LDAH: variants seen among roughly 807,000 people sequenced by gnomAD.
LDAH encodes lipid droplet-associated hydrolase.
LDAH carries 26 observed loss-of-function variants against 29.6 expected under a neutral mutation model. The observed-to-expected ratio is 0.88, with a 90% CI of 0.64 to 1.22. The LOEUF is 1.22. Ranked by LOEUF, LDAH falls within the 50% of genes most tolerant of loss-of-function variation. The pLI is 0.00. For synonymous variants in LDAH, 117 were observed against 133.0 expected (o/e 0.88, Z 0.83); for missense variants, 344 against 387.3 (o/e 0.89, Z 0.94).
intron 4 of LDAH, among the ~76,000 whole-genome samples, chr2:20,763,965 AT>A (rs11337098): frequency 0.27 from 39,527 of 148,926 alleles, 5,479 homozygotes; most frequent in African/African-American, 0.37. Flanking sequence ...CCCAAAGGTG[AT>A]TTTTTTTTTT....
intron 3 of LDAH, among the ~76,000 whole-genome samples, chr2:20,781,773 G>A (rs892422632): frequency 1.3e-5 from 2 of 152,104 alleles, no homozygotes; most frequent in East Asian, 1.9e-4. Flanking sequence ...TTGTCAATAA[G>A]TCCTTGATGA....
chr2:20,745,454 T>C (rs1428868551), intron 4 of LDAH, among the ~76,000 whole-genome samples: 1 of 152,200 alleles, frequency 6.6e-6, no homozygotes, highest in Non-Finnish European at 1.5e-5. Flanking sequence ...TGCATTTTTT[T>C]TGAAGAAATG....
At chr2:20,734,629 A>T (rs1442689210) in intron 5 of LDAH, among the ~76,000 whole-genome samples, 1 of 152,206 alleles carries the variant, frequency 6.6e-6, no homozygotes, top group Non-Finnish European at 1.5e-5. Context: ...GTTTAGAACC[A>T]TAAGAGACAG....
At chr2:20,815,412 T>A (rs1457398021) in intron 1 of LDAH, among the ~76,000 whole-genome samples, 1 of 151,258 alleles carries the variant, frequency 6.6e-6, no homozygotes, top group Non-Finnish European at 1.5e-5. Flanking sequence ...ACAAAAGACA[T>A]AAATCTACAG....
intron 5 of LDAH, among the ~76,000 whole-genome samples, chr2:20,719,627 A>G (rs1168443557): frequency 6.6e-6 from 1 of 152,102 alleles, no homozygotes; most frequent in Non-Finnish European, 1.5e-5. Context: ...AACTCATTCT[A>G]TGAGGCCAGC....
At chr2:20,697,654 T>C (rs1313282750) in intron 6 of LDAH, among the ~76,000 whole-genome samples, 1 of 152,206 alleles carries the variant, frequency 6.6e-6, no homozygotes, top group Admixed American at 6.5e-5. Flanking sequence ...GACTTTTTGT[T>C]CTCAGGCCAG....
chr2:20,710,954 A>G (rs1252705156), intron 5 of LDAH, among the ~76,000 whole-genome samples: 1 of 152,026 alleles, frequency 6.6e-6, no homozygotes, highest in Non-Finnish European at 1.5e-5. Flanking sequence ...TAGTGGGCCC[A>G]GCCTAACCTA....
At chr2:20,731,453 C>G (rs903844127) in intron 5 of LDAH, among the ~76,000 whole-genome samples, 2 of 152,196 alleles carry the variant, frequency 1.3e-5, no homozygotes, top group Non-Finnish European at 2.9e-5. Context: ...GTGGATGCCT[C>G]TTCCTGTACA....
At chr2:20,709,756 C>T (rs940314042) in intron 5 of LDAH, among the ~76,000 whole-genome samples, 3 of 152,046 alleles carry the variant, frequency 2.0e-5, no homozygotes, top group East Asian at 3.9e-4. Context: ...TGAATGTCCA[C>T]CAATTGATGA....
chr2:20,752,019 G>A (rs1668007035), intron 4 of LDAH, among the ~76,000 whole-genome samples: 1 of 152,042 alleles, frequency 6.6e-6, no homozygotes, highest in African/African-American at 2.4e-5. Context: ...AGCCTCCTAA[G>A]TAGCTGGAAC....
chr2:20,755,468 G>GCA (rs1668279433), intron 4 of LDAH, among the ~76,000 whole-genome samples: 1 of 152,060 alleles, frequency 6.6e-6, no homozygotes, highest in Non-Finnish European at 1.5e-5. Context: ...TGTAAATTCT[G>GCA]CATAAGCAGT....
In LDAH at chr2:20,763,330, G is replaced by A. The variant is rs184765793; in HGVS notation, c.468+11480C>T. On this transcript the variant is annotated intron_variant, in intron 4 of 6. Coordinates refer to ENST00000237822, the MANE Select transcript of LDAH (RefSeq NM_021925.4). ...CCAAGGACAGATTTAACTGTCCACA[G>A]CATTTCAATGCATTCTGTTCCAAGC... 5.1e-4 allele frequency among the ~76,000 whole-genome samples: 78 copies of A among 152,340 alleles called. 1 individual carries two copies. The highest frequency in any genetic ancestry group is 1.5e-3 in the African/African-American group (63 of 41,580).
intron 5 of LDAH, among the ~76,000 whole-genome samples, chr2:20,725,285 T>A (rs2149406572): frequency 6.6e-6 from 1 of 152,320 alleles, no homozygotes; most frequent in East Asian, 1.9e-4. Context: ...CCAAACATTT[T>A]AAAACTCCCT....
rs181479564 is a variant in LDAH at position 20,712,465 on chromosome 2, C to G, written c.704-10813G>C. 9.9e-4 allele frequency among the ~76,000 whole-genome samples: 151 copies of G among 152,212 alleles called. No homozygotes were observed. In the Middle Eastern group the frequency reaches 0.01, roughly 10 times the overall value. The stretch of plus-strand genomic sequence containing the variant: ...CAGAAAAGCTGAAAATTCTAAAAAC[C>G]AGAGTGGCTCTTCTACTCCAAAGGA... On this transcript the variant is annotated intron_variant, in intron 5 of 6. Coordinates refer to ENST00000237822, the MANE Select transcript of LDAH (RefSeq NM_021925.4).
intron 1 of LDAH, among the ~76,000 whole-genome samples, chr2:20,813,341 T>C (rs1449347471): frequency 1.3e-5 from 2 of 152,344 alleles, no homozygotes; most frequent in East Asian, 3.9e-4. Context: ...GTTTGACAAA[T>C]AGTAGCATAT....
intron 1 of LDAH, among the ~76,000 whole-genome samples, chr2:20,816,674 T>C (rs1398196335): frequency 6.6e-6 from 1 of 151,932 alleles, no homozygotes; most frequent in East Asian, 1.9e-4. Flanking sequence ...AAATAACTAT[T>C]AGACGATCAA....
intron 4 of LDAH, among the ~76,000 whole-genome samples, chr2:20,770,940 C>T (rs1374352134): frequency 1.3e-5 from 2 of 152,174 alleles, no homozygotes; most frequent in Non-Finnish European, 2.9e-5. Flanking sequence ...TATCTCAGTT[C>T]TAAGATTCTA....
At chr2:20,708,351 AG>A (rs1435967883) in intron 5 of LDAH, among the ~76,000 whole-genome samples, 3 of 152,194 alleles carry the variant, frequency 2.0e-5, no homozygotes, top group African/African-American at 7.2e-5. Flanking sequence ...CTAACAGCCT[AG>A]AAGCAAGACC....
intron 5 of LDAH, among the ~76,000 whole-genome samples, chr2:20,734,966 T>C (rs1666676863): frequency 6.6e-6 from 1 of 152,234 alleles, no homozygotes; most frequent in Non-Finnish European, 1.5e-5. Context: ...TGGGTCTCCA[T>C]GGATTCTGAT....
Sources: gnomAD v4.1 joint callset for allele counts (sites outside exome capture counted in the v4.1 genomes callset) on GRCh38, gnomAD v4.1.1 for gene constraint, MANE v1.5 for transcripts, NCBI Gene and HGNC (gene_info 2026-07-23, HGNC 2026-07-21) for gene names.